TM9SF2: variants seen among roughly 807,000 people sequenced by gnomAD.
TM9SF2 encodes the protein 76 kDa membrane protein.
In TM9SF2, 13 loss-of-function variants were observed where a neutral mutation model predicts 84.9. That is an observed-to-expected ratio of 0.15 (90% CI 0.10 to 0.24). The LOEUF is 0.24. TM9SF2 is among the 10% of genes least tolerant of loss of function. The probability of loss-of-function intolerance (pLI) is 1.00; values close to 1 mark genes in which losing one functional copy is unlikely to be tolerated. For synonymous variants in TM9SF2, 273 were observed against 285.8 expected (o/e 0.96, Z 0.45); for missense variants, 562 against 818.5 (o/e 0.69, Z 3.82).
At chr13:99,518,235 G>A (rs943135385) in intron 2 of TM9SF2, among the ~76,000 whole-genome samples, 12 of 152,072 alleles carry the variant, frequency 7.9e-5, no homozygotes, top group South Asian at 6.2e-4. Flanking sequence ...CCTCAGCCTC[G>A]CAAGTAGCTG....
chr13:99,554,578 T>C, intron 14 of TM9SF2, 123 bp downstream of exon 14: 5 of 1,067,622 alleles, frequency 4.7e-6, no homozygotes, highest in Non-Finnish European at 6.5e-6. Flanking sequence ...TAACCAGAAA[T>C]CTTAAAAGCC....
At chr13:99,546,586 C>G (rs1172960322) in intron 10 of TM9SF2, among the ~76,000 whole-genome samples, 2 of 151,464 alleles carry the variant, frequency 1.3e-5, no homozygotes, top group Admixed American at 6.6e-5. Context: ...TTTTTACCCC[C>G]AGAGGACCCC....
intron 2 of TM9SF2, chr13:99,519,489 A>G (rs1407776131): frequency 6.5e-6 from 1 of 152,958 alleles, no homozygotes; most frequent in Non-Finnish European, 1.5e-5. Flanking sequence ...TTGGTTAGTA[A>G]TACAAGGGAA....
At chr13:99,509,328 G>A (rs180787407) in intron 1 of TM9SF2, among the ~76,000 whole-genome samples, 18 of 152,280 alleles carry the variant, frequency 1.2e-4, no homozygotes, top group Admixed American at 2.6e-4. Context: ...GTACCCTGGC[G>A]GGGACTCTGA....
rs1566560495 is a variant in TM9SF2, at chr13:99,501,640, C to G, written c.34C>G (p.Arg12Gly). Residue 12 changes from arginine to glycine, a missense_variant, in exon 1 of 17, where the codon CGG becomes GGG. Physicochemically the swap from Arg to Gly is moderately radical, Grantham distance 125. Transcript: ENST00000376387. Reference sequence around the variant, plus strand: ...GAGGCTGCCGGTGTTGTCTCCACCTCGGTGGCCGCGGCTGTTGCTGCTGTC... The same window carrying G: ...GAGGCTGCCGGTGTTGTCTCCACCTGGGTGGCCGCGGCTGTTGCTGCTGTC... ...SARLPVLSPP[R>G]WPRLLLLSLL... The G allele has an allele frequency of 6.2e-7, 1 of 1,613,230 alleles. No individual in the cohort carries two copies. Among genetic ancestry groups the G allele is most frequent in the Non-Finnish European group, 8.5e-7 (1 of 1,179,648 alleles).
intron 8 of TM9SF2, among the ~76,000 whole-genome samples, chr13:99,541,330 T>C (rs2046257993): frequency 6.6e-6 from 1 of 152,348 alleles, no homozygotes; most frequent in African/African-American, 2.4e-5. Flanking sequence ...CAAAAAATTC[T>C]AGTTCTAAAC....
At chr13:99,514,418 T>G (rs2046125601) in intron 1 of TM9SF2, 2 of 152,246 alleles carry the variant, frequency 1.3e-5, no homozygotes, top group South Asian at 4.1e-4. Context: ...TACCATTGTG[T>G]TAACAGTTGC....
Position 99,529,360 on chromosome 13 carries a change from G to T in TM9SF2, c.334-107G>T, listed in dbSNP as rs903595101. On this transcript the variant is annotated intron_variant, in intron 3 of 16. Transcript: ENST00000376387. ...AAATTTATTTATTACCAATATTAAT[G>T]CACTTAAGTAATTTAATGGGACCAG... 1.1e-5 allele frequency: 10 copies of T among 929,214 alleles called. No individual in the cohort carries two copies. The Admixed American group carries it at 1.6e-4, about 15-fold the overall frequency. 57.6% of individuals were successfully genotyped at this position (929,214 alleles called of 1,614,324 possible).
intron 4 of TM9SF2, 37 bp downstream of exon 4, chr13:99,529,631 TTTCCA>T: frequency 6.8e-7 from 1 of 1,465,544 alleles, no homozygotes; most frequent in Non-Finnish European, 9.0e-7. Context: ...GGGTTTATCC[TTTCCA>T]TATGAAATCT....
At chr13:99,509,416 G>A (rs776984375) in intron 1 of TM9SF2, among the ~76,000 whole-genome samples, 64 of 152,328 alleles carry the variant, frequency 4.2e-4, no homozygotes, top group Admixed American at 1.8e-3. Context: ...CCTGCAGCAG[G>A]CTTCTACCTG....
intron 7 of TM9SF2, 36 bp from the exon 8 acceptor site, chr13:99,540,678 G>A (rs2046255221): frequency 6.4e-7 from 1 of 1,558,198 alleles, no homozygotes; most frequent in Non-Finnish European, 8.8e-7. Context: ...GCTGTCAGCA[G>A]ATGTTTACTT....
intron 8 of TM9SF2, 86 bp downstream of exon 8, chr13:99,540,879 C>G: frequency 1.6e-6 from 2 of 1,217,498 alleles, no homozygotes; most frequent in Non-Finnish European, 2.4e-6. Context: ...CAAATCCTCT[C>G]TACTTTATTC....
chr13:99,550,742 C>G (rs774449331), intron 12 of TM9SF2, among the ~76,000 whole-genome samples: 2 of 151,930 alleles, frequency 1.3e-5, no homozygotes, highest in East Asian at 3.9e-4. Context: ...AGTAAAATGG[C>G]CTTTGATAAT....
chr13:99,519,746 T>G (rs2046151092), intron 2 of TM9SF2: 2 of 205,984 alleles, frequency 9.7e-6, no homozygotes, highest in Admixed American at 5.4e-5. Context: ...ATAATTTTAT[T>G]ATTGGAGTGA....
chr13:99,521,674 C>A (rs76266388), intron 3 of TM9SF2, among the ~76,000 whole-genome samples: 1,579 of 152,216 alleles, frequency 0.01, 29 homozygotes, highest in African/African-American at 0.036. Flanking sequence ...TTGGTTTTGA[C>A]TGTAAATATA....
intron 11 of TM9SF2, 25 bp downstream of exon 11, chr13:99,547,129 C>T (rs376975328): frequency 1.1e-4 from 176 of 1,612,956 alleles, no homozygotes; most frequent in Non-Finnish European, 1.4e-4. Flanking sequence ...CTGTGACTGG[C>T]GTCTGATCAG....
chr13:99,521,215 T>C (rs2046158723), intron 3 of TM9SF2, among the ~76,000 whole-genome samples: 1 of 152,272 alleles, frequency 6.6e-6, no homozygotes, highest in Non-Finnish European at 1.5e-5. Context: ...CAGTTTGTTA[T>C]TAAAATTTCC....
At chr13:99,501,831 C>G (rs941582991) in intron 1 of TM9SF2, 54 bp downstream of exon 1, 11 of 1,559,710 alleles carry the variant, frequency 7.1e-6, no homozygotes, top group Middle Eastern at 1.7e-4. Flanking sequence ...GAAGTCGTCC[C>G]TATCCGGGGG....
At position 99,543,855 on chromosome 13, in the gene TM9SF2, C is replaced by A. The variant is rs1175111252; in HGVS notation, c.1018-8C>A. ...GAGACAATCGAACTGATTTCATTCC[C>A]CTTTTAGGAAGATGCCCAGGAAGAA... On this transcript the variant is annotated splice_region_variant and splice_polypyrimidine_tract_variant and intron_variant, in intron 9 of 16. Transcript: ENST00000376387. The A allele has an allele frequency of 1.2e-6, 2 of 1,613,422 alleles. No individual in the cohort carries two copies. Among genetic ancestry groups the A allele is most frequent in the Admixed American group, 1.7e-5 (1 of 59,946 alleles).
Sources: allele counts gnomAD v4.1 joint callset (sites outside exome capture counted in the v4.1 genomes callset), GRCh38; gene constraint gnomAD v4.1.1; transcripts MANE v1.5; gene names NCBI Gene and HGNC (gene_info 2026-07-23, HGNC 2026-07-21).